FAF1: variants seen among roughly 807,000 people sequenced by gnomAD.
FAF1 encodes the protein FAS-associated factor 1.
A neutral mutation model predicts 92.5 loss-of-function variants in FAF1; 25 were observed. The ratio of observed to expected loss-of-function variants is 0.27; its 90% CI spans 0.20 to 0.38. The LOEUF is 0.38. Ranked by LOEUF, FAF1 falls within the 10% of genes least tolerant of loss-of-function variation. FAF1 has a pLI of 1.00. For synonymous variants in FAF1, 234 were observed against 273.2 expected (o/e 0.86, Z 1.42); for missense variants, 636 against 793.3 (o/e 0.80, Z 2.38).
intron 1 of FAF1, among the ~76,000 whole-genome samples, chr1:50,908,467 T>C (rs140087721): frequency 0.066 from 10,071 of 152,290 alleles, 411 homozygotes; most frequent in East Asian, 0.094. Flanking sequence ...ATGTTGATAG[T>C]GGGGTGTTAA....
intron 1 of FAF1, among the ~76,000 whole-genome samples, chr1:50,933,598 C>A (rs1042245626): frequency 2.6e-5 from 4 of 152,170 alleles, no homozygotes; most frequent in Non-Finnish European, 5.9e-5. Flanking sequence ...TCTTCTGAGC[C>A]CTCCAAACTG....
Position 50,694,783 on chromosome 1 carries a change from T to TA in FAF1, c.657+11002dup, listed in dbSNP as rs1401926216. ...CAACATGGTGAAACCCCATCTCTAC[T>TA]AAAAAATACAAAAAAAAAAAAAAAA... On this transcript the variant is annotated intron_variant, in intron 7 of 18. Coordinates refer to ENST00000396153, the MANE Select transcript of FAF1 (RefSeq NM_007051.3). 2.1e-3 allele frequency among the ~76,000 whole-genome samples: 118 copies of TA among 55,444 alleles called. 1 individual carries two copies. The highest frequency in any genetic ancestry group is 8.1e-3 in the African/African-American group (109 of 13,454). The allele number at this position is 55,444 out of a possible 152,430, so 36.4% of individuals were successfully genotyped here. A position where few individuals can be genotyped will look rare whatever the true frequency, so the allele number is the denominator to read the frequency against.
At chr1:50,558,722 T>C (rs1649718813) in intron 13 of FAF1, among the ~76,000 whole-genome samples, 1 of 152,228 alleles carries the variant, frequency 6.6e-6, no homozygotes, top group African/African-American at 2.4e-5. Context: ...ATAGGCTATT[T>C]ATTGACAACT....
intron 7 of FAF1, among the ~76,000 whole-genome samples, chr1:50,689,680 G>C (rs549378013): frequency 3.9e-5 from 6 of 152,280 alleles, no homozygotes; most frequent in African/African-American, 1.4e-4. Context: ...GCCAAAAGGT[G>C]GAAGTAACCC....
At chr1:50,959,488 A>G (rs922920962) in intron 1 of FAF1, among the ~76,000 whole-genome samples, 5 of 152,096 alleles carry the variant, frequency 3.3e-5, no homozygotes, top group African/African-American at 1.2e-4. Context: ...CCCCCCATAT[A>G]ATACAGGAAA....
At chr1:50,499,136 A>C (rs1646947389) in intron 15 of FAF1, among the ~76,000 whole-genome samples, 1 of 152,200 alleles carries the variant, frequency 6.6e-6, no homozygotes. Flanking sequence ...TTGTGTTTCC[A>C]CTTACATAAG....
At chr1:50,575,591 A>G (rs1027834864) in intron 12 of FAF1, among the ~76,000 whole-genome samples, 1 of 152,238 alleles carries the variant, frequency 6.6e-6, no homozygotes, top group African/African-American at 2.4e-5. Context: ...CATTATTTGT[A>G]TAATTCAAAT....
chr1:50,959,670 A>G (rs1645299249), intron 1 of FAF1, 97 bp downstream of exon 1: 1 of 1,038,128 alleles, frequency 9.6e-7, no homozygotes, highest in South Asian at 1.4e-5. Context: ...TAAATGACAC[A>G]CCACTGCAGC....
chr1:50,807,375 T>C (rs1662246275), intron 2 of FAF1, among the ~76,000 whole-genome samples: 1 of 152,200 alleles, frequency 6.6e-6, no homozygotes, highest in Non-Finnish European at 1.5e-5. Context: ...TCAGGAAACT[T>C]ACAGTAATGC....
rs1050558404 is a variant in FAF1, at chr1:50,720,521, G to A, written c.552-14630C>T. Among the ~76,000 whole-genome samples the A allele has an allele frequency of 4.6e-5, 7 of 152,186 alleles. No individual in the cohort carries two copies. In the South Asian group the frequency reaches 1.5e-3, roughly 32 times the overall value. ...ATACTTTTACGGATAAATATTGACG[G>A]AGTTCAGGAAATGCCAACCCCACAA... On this transcript the variant is annotated intron_variant, in intron 6 of 18. Coordinates refer to ENST00000396153, the MANE Select transcript of FAF1 (RefSeq NM_007051.3).
intron 2 of FAF1, among the ~76,000 whole-genome samples, chr1:50,846,198 C>T (rs572340198): frequency 3.4e-4 from 52 of 151,796 alleles, no homozygotes; most frequent in South Asian, 1.5e-3. Flanking sequence ...TTTGTCTATA[C>T]TATGCTACAT....
rs532143814 is a variant in FAF1 at position 50,535,726 on chromosome 1, G to C, written c.1406-269C>G. 2.3e-4 allele frequency among the ~76,000 whole-genome samples: 35 copies of C among 152,232 alleles called. No individual in the cohort carries two copies. The South Asian group carries it at 7.3e-3, about 32-fold the overall frequency. ...GAAGGACTTTTAGCACTATATAGAA[G>C]AATGTCCAAATCATGAAGTTCAAAA... On this transcript the variant is annotated intron_variant, in intron 14 of 18. Coordinates refer to ENST00000396153, the MANE Select transcript of FAF1 (RefSeq NM_007051.3).
chr1:50,624,988 G>A (rs760649284), intron 8 of FAF1, among the ~76,000 whole-genome samples: 5 of 141,354 alleles, frequency 3.5e-5, no homozygotes, highest in African/African-American at 1.1e-4. Context: ...TGAACCCTCC[G>A]CCTCCCAGGT....
At chr1:50,514,532 TC>T (rs1415513383) in intron 15 of FAF1, among the ~76,000 whole-genome samples, 2 of 152,190 alleles carry the variant, frequency 1.3e-5, no homozygotes, top group African/African-American at 4.8e-5. Context: ...ACTCCAGTAA[TC>T]AACAGTTTTA....
chr1:50,760,357 T>C (rs1355977597), intron 4 of FAF1, among the ~76,000 whole-genome samples: 1 of 151,942 alleles, frequency 6.6e-6, no homozygotes, highest in Non-Finnish European at 1.5e-5. Context: ...TCTACAGAAC[T>C]CTCCACCCCA....
intron 12 of FAF1, among the ~76,000 whole-genome samples, chr1:50,580,912 G>C (rs912685232): frequency 6.6e-6 from 1 of 152,122 alleles, no homozygotes; most frequent in Non-Finnish European, 1.5e-5. Context: ...GCTGGGACTA[G>C]AGGCATGCAT....
chr1:50,766,829 C>T (rs1007001539), intron 4 of FAF1, among the ~76,000 whole-genome samples: 4 of 134,736 alleles, frequency 3.0e-5, no homozygotes, highest in African/African-American at 8.3e-5. Context: ...ATCCAAAAGA[C>T]AGCAACTTCA....
chr1:50,646,205 T>C (rs999888403), intron 8 of FAF1, among the ~76,000 whole-genome samples: 10 of 152,248 alleles, frequency 6.6e-5, no homozygotes, highest in Middle Eastern at 3.4e-3. Context: ...GTTTGCTCAA[T>C]TGCATTCTCC....
chr1:50,655,697 C>A (rs1337861516), intron 7 of FAF1, among the ~76,000 whole-genome samples, 169 bp from the exon 8 acceptor site: 1 of 151,998 alleles, frequency 6.6e-6, no homozygotes, highest in Non-Finnish European at 1.5e-5. Flanking sequence ...AGAACAAAAT[C>A]AAATTTAAAA....
Sources: allele counts gnomAD v4.1 joint callset (sites outside exome capture counted in the v4.1 genomes callset), GRCh38; gene constraint gnomAD v4.1.1; transcripts MANE v1.5; gene names NCBI Gene and HGNC (gene_info 2026-07-23, HGNC 2026-07-21).